Variants in ROCK1 observed in about 807,000 individuals in gnomAD.
ROCK1 encodes rho-associated protein kinase 1.
A neutral mutation model predicts 196.8 loss-of-function variants in ROCK1; 36 were observed. The ratio of observed to expected loss-of-function variants is 0.18; its 90% confidence interval spans 0.14 to 0.24. The LOEUF (loss-of-function observed/expected upper bound fraction) is 0.24. ROCK1 is among the 10% of genes least tolerant of loss of function. The pLI is 1.00. For synonymous variants in ROCK1, 443 were observed against 515.9 expected (o/e 0.86, Z 1.91); for missense variants, 920 against 1,562.0 (o/e 0.59, Z 6.93).
intron 13 of ROCK1, among the ~76,000 whole-genome samples, chr18:21,009,488 T>C (rs1026421894): frequency 6.6e-6 from 1 of 152,226 alleles, no homozygotes; most frequent in African/African-American, 2.4e-5. Flanking sequence ...AGTTTTTGGC[T>C]ATTACAAATA....
chr18:21,044,234 A>T, intron 5 of ROCK1, 48 bp from the exon 6 acceptor site: 1 of 1,406,984 alleles, frequency 7.1e-7, no homozygotes, highest in Non-Finnish European at 9.9e-7. Context: ...CAGATTAGAC[A>T]CTGTAAAAAT....
intron 1 of ROCK1, among the ~76,000 whole-genome samples, chr18:21,108,995 C>T (rs1389827183): frequency 6.6e-6 from 1 of 152,218 alleles, no homozygotes; most frequent in Non-Finnish European, 1.5e-5. Context: ...AGTCATGTCT[C>T]CACCCTCTAT....
intron 9 of ROCK1, among the ~76,000 whole-genome samples, chr18:21,030,725 A>G (rs2035998382): frequency 1.3e-5 from 2 of 152,352 alleles, no homozygotes; most frequent in South Asian, 4.1e-4. Context: ...AAAGATAACT[A>G]TGGAATAAAC....
chr18:20,974,624 T>G (rs1376028678), intron 22 of ROCK1, among the ~76,000 whole-genome samples: 1 of 152,178 alleles, frequency 6.6e-6, no homozygotes, highest in South Asian at 2.1e-4. Context: ...AAGACTGTCT[T>G]TACTAATATT....
At chr18:21,095,068 A>C (rs1379220402) in intron 1 of ROCK1, among the ~76,000 whole-genome samples, 1 of 151,642 alleles carries the variant, frequency 6.6e-6, no homozygotes, top group African/African-American at 2.4e-5. Context: ...AAAAAAAAAA[A>C]AAAGACATAC....
At chr18:21,100,432 T>C (rs1026383955) in intron 1 of ROCK1, among the ~76,000 whole-genome samples, 6 of 149,150 alleles carry the variant, frequency 4.0e-5, no homozygotes, top group African/African-American at 1.5e-4. Flanking sequence ...CTATCAAAGA[T>C]AATTAGGGTC....
intron 25 of ROCK1, 43 bp from the exon 26 acceptor site, chr18:20,967,983 A>T (rs748144908): frequency 1.5e-6 from 2 of 1,330,486 alleles, no homozygotes; most frequent in East Asian, 5.2e-5. Context: ...GTAGTCATCC[A>T]ATTTAATACT....
chr18:21,081,409 G>C (rs1436829129), intron 1 of ROCK1, among the ~76,000 whole-genome samples: 1 of 151,160 alleles, frequency 6.6e-6, no homozygotes, highest in Non-Finnish European at 1.5e-5. Context: ...ATTTTAAAAA[G>C]AAAAAAAGCT....
Position 21,006,614 on chromosome 18 carries a change from C to T in ROCK1, c.1639-17G>A. The T allele has an allele frequency of 1.3e-6, 2 of 1,597,390 alleles. No individual in the cohort carries two copies. Among genetic ancestry groups the T allele is most frequent in the Non-Finnish European group, 8.5e-7 (1 of 1,175,360 alleles). ...TTCTTCTAGCTATTTAAAAAGAAAG[C>T]AAAAAAATAGGTTTCTGACCAAAGT... On this transcript the variant is annotated splice_polypyrimidine_tract_variant and intron_variant, in intron 15 of 32. Transcript: ENST00000399799.
rs1375777084 is a variant in ROCK1 at position 20,950,237 on chromosome 18, T to C, written c.*1147A>G. The C allele has an allele frequency of 5.2e-5, 8 of 152,540 alleles. No homozygotes were observed. Among genetic ancestry groups the C allele is most frequent in the African/African-American group, 1.9e-4 (8 of 41,584 alleles). 9.4% of individuals were successfully genotyped at this position (152,540 alleles called of 1,614,324 possible). ...TTTCCTTTTTATGTTGGTGCAACCT[T>C]CTACATTTTTTGCAGTTTTATAAAG... On this transcript the variant is annotated 3_prime_UTR_variant, in exon 33 of 33. Transcript: ENST00000399799.
At chr18:20,964,431 T>C (rs1002816233) in intron 27 of ROCK1, among the ~76,000 whole-genome samples, 5 of 152,112 alleles carry the variant, frequency 3.3e-5, no homozygotes, top group Non-Finnish European at 5.9e-5. Context: ...TAGTAAATGG[T>C]GGATTTAATA....
intron 11 of ROCK1, among the ~76,000 whole-genome samples, chr18:21,020,622 C>A (rs372867773): frequency 6.6e-6 from 1 of 152,174 alleles, no homozygotes; most frequent in African/African-American, 2.4e-5. Flanking sequence ...GAAAAGGTCA[C>A]TTCTAACTCT....
intron 1 of ROCK1, among the ~76,000 whole-genome samples, chr18:21,105,921 AAAG>A (rs1254992872): frequency 1.3e-5 from 2 of 152,232 alleles, no homozygotes; most frequent in African/African-American, 2.4e-5. Flanking sequence ...GAAAAGAAAA[AAAG>A]AAGAATGAAA....
At chr18:21,081,582 G>A (rs1406454068) in intron 1 of ROCK1, among the ~76,000 whole-genome samples, 1 of 152,086 alleles carries the variant, frequency 6.6e-6, no homozygotes, top group Non-Finnish European at 1.5e-5. Context: ...ACCCAAAGTA[G>A]GTCTTCTGAA....
At chr18:20,955,413 T>A in intron 29 of ROCK1, 168 bp from the exon 30 acceptor site, 2 of 887,950 alleles carry the variant, frequency 2.3e-6, no homozygotes, top group Non-Finnish European at 3.2e-6. Context: ...TACACATCTA[T>A]CAGAGTTAAA....
chr18:21,028,985 A>C, intron 9 of ROCK1, 50 bp from the exon 10 acceptor site: 1 of 1,555,102 alleles, frequency 6.4e-7, no homozygotes, highest in Non-Finnish European at 8.8e-7. Flanking sequence ...AAATACAAGT[A>C]AAGTGAAGCA....
At chr18:21,086,984 GTTGC>G (rs1354845474) in intron 1 of ROCK1, among the ~76,000 whole-genome samples, 1 of 151,622 alleles carries the variant, frequency 6.6e-6, no homozygotes, top group Non-Finnish European at 1.5e-5. Context: ...AAATTATAAT[GTTGC>G]TTGTTTCTCA....
Position 21,006,609 on chromosome 18 carries a change from G to C in ROCK1, c.1639-12C>G. Reference sequence around the variant, plus strand: ...TTGGCTTCTTCTAGCTATTTAAAAAGAAAGCAAAAAAATAGGTTTCTGACC... The same window carrying C: ...TTGGCTTCTTCTAGCTATTTAAAAACAAAGCAAAAAAATAGGTTTCTGACC... On this transcript the variant is annotated splice_polypyrimidine_tract_variant and intron_variant, in intron 15 of 32. Coordinates refer to ENST00000399799, the MANE Select transcript of ROCK1 (RefSeq NM_005406.3). 1.9e-6 allele frequency: 3 copies of C among 1,600,524 alleles called. No individual in the cohort carries two copies. The highest frequency in any genetic ancestry group is 2.6e-6 in the Non-Finnish European group (3 of 1,176,280).
chr18:21,042,300 G>T (rs2036114087), intron 7 of ROCK1, 65 bp from the exon 8 acceptor site: 3 of 1,406,680 alleles, frequency 2.1e-6, no homozygotes. Flanking sequence ...AGTTTCAAAG[G>T]AAGAGTCAAA....
Sources: gnomAD v4.1 joint callset for allele counts (sites outside exome capture counted in the v4.1 genomes callset) on GRCh38, gnomAD v4.1.1 for gene constraint, MANE v1.5 for transcripts, NCBI Gene and HGNC (gene_info 2026-07-23, HGNC 2026-07-21) for gene names.